ETV7: variants seen among roughly 807,000 people sequenced by gnomAD.
The protein encoded by ETV7 is transcription factor ETV7.
Under a neutral mutation model 39.1 loss-of-function variants are expected in ETV7, and 43 were observed. The observed-to-expected ratio is 1.10, with a 90% CI of 0.86 to 1.42. The LOEUF is 1.42. Ranked by LOEUF, ETV7 falls within the 40% of genes most tolerant of loss-of-function variation. The pLI is 0.00. For synonymous variants in ETV7, 196 were observed against 176.6 expected, an observed-to-expected ratio of 1.11 and a Z score of -0.87; for missense variants, 432 against 442.3, an observed-to-expected ratio of 0.98 and a Z score of 0.21.
intron 2 of ETV7, among the ~76,000 whole-genome samples, chr6:36,381,297 T>C (rs1337316907): frequency 6.6e-6 from 1 of 152,156 alleles, no homozygotes; most frequent in African/African-American, 2.4e-5. Flanking sequence ...CCGGTTCAAA[T>C]CCCAGCTCCA....
intron 7 of ETV7, among the ~76,000 whole-genome samples, chr6:36,355,198 G>A (rs11966082): frequency 0.44 from 66,155 of 151,978 alleles, 15,507 homozygotes; most frequent in Non-Finnish European, 0.51. Context: ...TCACCATTAA[G>A]TAGGATGGTA....
At chr6:36,373,744 G>C (rs1773162848) in intron 3 of ETV7, among the ~76,000 whole-genome samples, 166 bp from the exon 4 acceptor site, 1 of 152,248 alleles carries the variant, frequency 6.6e-6, no homozygotes, top group Non-Finnish European at 1.5e-5. Flanking sequence ...AGGCTGGGCT[G>C]GCAATGGGCA....
chr6:36,385,203 T>C (rs980189012), intron 2 of ETV7, among the ~76,000 whole-genome samples: 4 of 151,884 alleles, frequency 2.6e-5, no homozygotes, highest in African/African-American at 9.7e-5. Flanking sequence ...GGGCCAGGTA[T>C]AGTGGTTCAG....
At position 36,373,167 on chromosome 6, in the gene ETV7, G is replaced by C. The variant is rs12200906; in HGVS notation, c.433+286C>G. Among the ~76,000 whole-genome samples, 7,798 of 152,144 alleles carry C rather than the reference G, an allele frequency of 0.051. 229 individuals are homozygous for C. The highest frequency in any genetic ancestry group is 0.088 in the Middle Eastern group (26 of 294). On this transcript the variant is annotated intron_variant, in intron 4 of 7. Coordinates refer to ENST00000340181, the MANE Select transcript of ETV7 (RefSeq NM_016135.4). Reference sequence around the variant, plus strand: ...ACATCCTTATTTTCAGGTTTCTGGAGACCTTGACAAGTGGTTTCCACGGAG... The same window carrying C: ...ACATCCTTATTTTCAGGTTTCTGGACACCTTGACAAGTGGTTTCCACGGAG...
chr6:36,355,508 T>C (rs1772315632), intron 7 of ETV7, among the ~76,000 whole-genome samples: 1 of 152,056 alleles, frequency 6.6e-6, no homozygotes, highest in Non-Finnish European at 1.5e-5. Context: ...GCCTCTCGGG[T>C]TCAAGTGATT....
At chr6:36,362,349 G>A (rs1009801622), downstream of ETV7, among the ~76,000 whole-genome samples, 1 of 151,866 alleles carries the variant, frequency 6.6e-6, no homozygotes, top group Non-Finnish European at 1.5e-5. Flanking sequence ...TGTAGTCCCA[G>A]CTACTCGGGA....
At chr6:36,377,216 T>C (rs1020576640) in intron 2 of ETV7, among the ~76,000 whole-genome samples, 5 of 152,168 alleles carry the variant, frequency 3.3e-5, no homozygotes, top group African/African-American at 1.2e-4. Flanking sequence ...ATCCCAGCAC[T>C]TTGGGAGGCC....
At chr6:36,362,800 G>A (rs769362769), downstream of ETV7, among the ~76,000 whole-genome samples, 38 of 152,238 alleles carry the variant, frequency 2.5e-4, no homozygotes, top group Admixed American at 6.5e-4. Flanking sequence ...GATGGTCTCA[G>A]TGCTGGGTGA....
chr6:36,363,019 G>T (rs57078243), downstream of ETV7, among the ~76,000 whole-genome samples: 1 of 152,204 alleles, frequency 6.6e-6, no homozygotes, highest in Non-Finnish European at 1.5e-5. Flanking sequence ...GTGATCTTGC[G>T]CAAGTCACTT....
At chr6:36,385,746 T>A in intron 1 of ETV7, 77 bp from the exon 2 acceptor site, 1 of 1,499,508 alleles carries the variant, frequency 6.7e-7, no homozygotes, top group Non-Finnish European at 8.9e-7. Flanking sequence ...GTCTTAAGAA[T>A]TTTTTTGGAA....
chr6:36,366,922 A>G lies in ETV7; in HGVS notation c.861T>C (p.Tyr287=). The change falls in exon 7 of 8, where the codon TAT becomes TAC. Residue 287 remains tyrosine (Y), a synonymous_variant. Transcript: ENST00000340181. The part of the protein sequence containing the change: ...EKMSRALRHY[Y]KLNIIKKEPG... ...GTTCCTTCTTAATGATATTAAGCTT[A>G]TAATAGTGGCGCAGGGCACGAGACA... 2.5e-6 allele frequency: 4 copies of G among 1,613,960 alleles called. No homozygotes were observed. The highest frequency in any genetic ancestry group is 3.4e-6 in the Non-Finnish European group (4 of 1,180,010).
At chr6:36,369,604 G>A (rs905355931) in intron 5 of ETV7, among the ~76,000 whole-genome samples, 1 of 152,234 alleles carries the variant, frequency 6.6e-6, no homozygotes, top group Non-Finnish European at 1.5e-5. Flanking sequence ...TGTGTGATCT[G>A]AAATCCCAGG....
rs567193768 is a variant in ETV7, at chr6:36,356,332, A to C, written c.909-1645T>G. 3.3e-5 allele frequency among the ~76,000 whole-genome samples: 5 copies of C among 150,868 alleles called. No individual in the cohort carries two copies. The East Asian group carries it at 7.8e-4, about 24-fold the overall frequency. On this transcript the variant is annotated intron_variant, in intron 7 of 7. Transcript: ENST00000339796. ...GAGTGAGACCCTGTCTCAAAAAAAA[A>C]AAAAAAACAAAAAAAAACACAAACA...
downstream of ETV7, among the ~76,000 whole-genome samples, chr6:36,364,301 C>A (rs971023665): frequency 5.3e-5 from 8 of 152,218 alleles, no homozygotes; most frequent in Non-Finnish European, 2.9e-5. Flanking sequence ...GTCGGGGAGG[C>A]TCAGGCCGCA....
At chr6:36,385,926 C>T (rs1773877988) in intron 1 of ETV7, among the ~76,000 whole-genome samples, 2 of 152,134 alleles carry the variant, frequency 1.3e-5, no homozygotes, top group Non-Finnish European at 2.9e-5. Flanking sequence ...GGATCCCCTG[C>T]CAAGACTTGT....
At chr6:36,365,768 C>T (rs1772688439), downstream of ETV7, among the ~76,000 whole-genome samples, 1 of 152,158 alleles carries the variant, frequency 6.6e-6, no homozygotes. Flanking sequence ...GGGCCAGCTC[C>T]ACAAGCCTCT....
intron 7 of ETV7, among the ~76,000 whole-genome samples, chr6:36,360,026 G>A (rs546337138): frequency 1.1e-4 from 16 of 152,246 alleles, no homozygotes; most frequent in Admixed American, 4.6e-4. Context: ...CCAAGTAGCT[G>A]GGACTACAGG....
chr6:36,358,115 T>C (rs1772387415), intron 7 of ETV7, among the ~76,000 whole-genome samples: 1 of 152,204 alleles, frequency 6.6e-6, no homozygotes, highest in African/African-American at 2.4e-5. Context: ...GAGATTTCAG[T>C]TGAGATGCTA....
chr6:36,360,308 A>C (rs1214137058), intron 7 of ETV7, among the ~76,000 whole-genome samples: 1 of 152,174 alleles, frequency 6.6e-6, no homozygotes, highest in Admixed American at 6.5e-5. Context: ...CTGCTGACAA[A>C]CTACTCAAGG....
Sources: gnomAD v4.1 joint callset for allele counts (sites outside exome capture counted in the v4.1 genomes callset) on GRCh38, gnomAD v4.1.1 for gene constraint, MANE v1.5 for transcripts, NCBI Gene and HGNC (gene_info 2026-07-23, HGNC 2026-07-21) for gene names.